The following EPS15 variants were observed in gnomAD, a reference collection of about 807,000 sequenced individuals.
EPS15 encodes epidermal growth factor receptor substrate 15.
A neutral mutation model predicts 113.8 loss-of-function variants in EPS15; 72 were observed. The ratio of observed to expected loss-of-function variants is 0.63; its 90% CI spans 0.52 to 0.77. EPS15 has a LOEUF of 0.77. Ranked by LOEUF, EPS15 falls within the 30% of genes least tolerant of loss-of-function variation. The probability of loss-of-function intolerance (pLI) is 0.00; values close to 1 mark genes in which losing one functional copy is unlikely to be tolerated. For synonymous variants in EPS15, 344 were observed against 363.4 expected (o/e 0.95, Z 0.61); for missense variants, 1,048 against 1,045.8 (o/e 1.00, Z -0.03).
In EPS15 at chr1:51,463,704, T is replaced by A. The variant is rs767888738; in HGVS notation, c.470A>T (p.Asn157Ile). 1 of 1,599,838 alleles carries A rather than the reference T, an allele frequency of 6.3e-7. No individual in the cohort carries two copies. The highest frequency in any genetic ancestry group is 8.6e-7 in the Non-Finnish European group (1 of 1,168,232). ...AAGGATATCCACAGGTAACTTAGAG[T>A]TGAGCAACACTGGTTTCACTTTATC... The part of the protein sequence containing the change: ...SGDKVKPVLL[N>I]SKLPVDILGR... Residue 157 changes from asparagine (N) to isoleucine (I), a missense_variant, in exon 7 of 25, where the codon AAC (asparagine) becomes ATC (isoleucine). Asn to Ile is a moderately radical substitution (Grantham distance 149). Coordinates refer to ENST00000371733, the MANE Select transcript of EPS15 (RefSeq NM_001981.3).
rs1450014632 is a variant in EPS15 at position 51,493,668 on chromosome 1, G to T, written c.34-12354C>A. 3.3e-5 allele frequency among the ~76,000 whole-genome samples: 5 copies of T among 151,374 alleles called. No homozygotes were observed. The South Asian group carries it at 1.0e-3, about 32-fold the overall frequency. ...GAGTCTCCCTCTGTCGCCCAGGCTG[G>T]AGTGCAATGGCACGATCTCGGCTCA... On this transcript the variant is annotated intron_variant, in intron 1 of 24. Coordinates refer to ENST00000371733, the MANE Select transcript of EPS15 (RefSeq NM_001981.3).
rs548291507 is a variant in EPS15, at chr1:51,458,799, AT to A, written c.561+2291del. 259 of 205,670 alleles carry A rather than the reference AT, an allele frequency of 1.3e-3. 2 individuals carry two copies. The highest frequency in any genetic ancestry group is 1.4e-3 in the Non-Finnish European group (133 of 97,454). 12.7% of individuals were successfully genotyped at this position (205,670 alleles called of 1,614,324 possible). ...CCTCATTACATCGTACCATGCAAAG[AT>A]TTTGCACCAATATTCTTACCACAAA... On this transcript the variant is annotated intron_variant, in intron 8 of 24. Coordinates refer to ENST00000371733, the MANE Select transcript of EPS15 (RefSeq NM_001981.3).
intron 7 of EPS15, among the ~76,000 whole-genome samples, chr1:51,462,533 C>A (rs1654540176): frequency 6.6e-6 from 1 of 152,054 alleles, no homozygotes; most frequent in Non-Finnish European, 1.5e-5. Flanking sequence ...TGACAGCAAT[C>A]TTACTACACC....
chr1:51,366,075 T>C (rs1289975370), intron 21 of EPS15, 46 bp from the exon 22 acceptor site: 1 of 1,420,728 alleles, frequency 7.0e-7, no homozygotes, highest in Admixed American at 1.9e-5. Context: ...GTAAGACATT[T>C]TTTTTTTTTG....
At chr1:51,390,836 G>A (rs547778154) in intron 21 of EPS15, among the ~76,000 whole-genome samples, 3 of 152,300 alleles carry the variant, frequency 2.0e-5, no homozygotes, top group Non-Finnish European at 2.9e-5. Context: ...AGAGGATATG[G>A]AGAAACAGGA....
intron 8 of EPS15, among the ~76,000 whole-genome samples, chr1:51,452,242 T>A (rs753712065): frequency 6.6e-6 from 1 of 151,934 alleles, no homozygotes; most frequent in Non-Finnish European, 1.5e-5. Context: ...TTAAGTTTTG[T>A]GGGGCTTTCA....
At chr1:51,503,624 A>C (rs1426047637) in intron 1 of EPS15, among the ~76,000 whole-genome samples, 1 of 152,232 alleles carries the variant, frequency 6.6e-6, no homozygotes, top group African/African-American at 2.4e-5. Context: ...CCTGAGCAAC[A>C]GAAGTGAACA....
intron 12 of EPS15, among the ~76,000 whole-genome samples, chr1:51,435,103 T>TA (rs1045370241): frequency 4.2e-4 from 62 of 148,894 alleles, no homozygotes; most frequent in Admixed American, 1.0e-3. Context: ...GCAGAATATT[T>TA]AAAAAAAAAA....
intron 1 of EPS15, among the ~76,000 whole-genome samples, chr1:51,505,336 A>G (rs929394326): frequency 1.2e-4 from 18 of 152,274 alleles, no homozygotes; most frequent in African/African-American, 4.1e-4. Context: ...ATACGATGGA[A>G]TATTTTTCAA....
chr1:51,513,817 A>G (rs1239537385), intron 1 of EPS15, among the ~76,000 whole-genome samples: 1 of 152,218 alleles, frequency 6.6e-6, no homozygotes, highest in Non-Finnish European at 1.5e-5. Context: ...TAATATAATT[A>G]TTATCATTCC....
chr1:51,396,686 G>C (rs1031597529), intron 20 of EPS15, among the ~76,000 whole-genome samples: 3 of 152,096 alleles, frequency 2.0e-5, no homozygotes, highest in Admixed American at 1.3e-4. Context: ...AAGGCCATCA[G>C]GATAGCAGGG....
intron 13 of EPS15, among the ~76,000 whole-genome samples, chr1:51,417,461 A>G (rs1416182290): frequency 6.6e-6 from 1 of 152,202 alleles, no homozygotes; most frequent in Non-Finnish European, 1.5e-5. Flanking sequence ...CTAACAATAT[A>G]TTGCCAAATA....
intron 1 of EPS15, among the ~76,000 whole-genome samples, chr1:51,513,413 T>A (rs1644661556): frequency 6.6e-6 from 1 of 152,126 alleles, no homozygotes; most frequent in South Asian, 2.1e-4. Flanking sequence ...TCAGTTAAGC[T>A]AAAAATAATA....
At position 51,405,489 on chromosome 1, in the gene EPS15, G is replaced by A. The variant is rs374102310; in HGVS notation, c.1677+416C>T. ...AGGCAGATGGGTCACTTGAGGTCAG[G>A]AGTTCGAAACCAGCCTGGCCAACAT... On this transcript the variant is annotated intron_variant, in intron 16 of 24. Transcript: ENST00000371733. Among the ~76,000 whole-genome samples the A allele has an allele frequency of 3.0e-4, 45 of 152,250 alleles. 1 individual carries two copies. Among genetic ancestry groups the A allele is most frequent in the African/African-American group, 1.0e-3 (43 of 41,556 alleles).
At chr1:51,454,049 C>CAAAAAAAAAAA (rs376428827) in intron 8 of EPS15, among the ~76,000 whole-genome samples, 1 of 88,214 alleles carries the variant, frequency 1.1e-5, no homozygotes, top group Admixed American at 1.5e-4. Flanking sequence ...GACTTTGTTT[C>CAAAAAAAAAAA]AAAAAAAAAA....
At chr1:51,412,576 T>A (rs1223539125) in intron 13 of EPS15, among the ~76,000 whole-genome samples, 1 of 152,230 alleles carries the variant, frequency 6.6e-6, no homozygotes, top group East Asian at 1.9e-4. Context: ...ACTTTATCAT[T>A]AATTTACCAG....
Position 51,519,244 on chromosome 1 carries a change from A to C in EPS15, c.-13T>G, listed in dbSNP as rs1288246237. ...CCGCCGCAGCCATGGTGTTTCCATC[A>C]TGCAAGGGAGGGGAAGGAAGACGGG... On this transcript the variant is annotated 5_prime_UTR_variant, in exon 1 of 25. An upstream start codon of the reference 5' UTR is lost. Transcript: ENST00000371733. The C allele has an allele frequency of 3.4e-6, 4 of 1,161,988 alleles. No individual in the cohort carries two copies. Among genetic ancestry groups the C allele is most frequent in the Admixed American group, 3.2e-5 (1 of 30,996 alleles). The allele number at this position is 1,161,988 out of a possible 1,614,324, so 72.0% of individuals were successfully genotyped here.
chr1:51,390,619 GA>G (rs1186400143), intron 21 of EPS15, among the ~76,000 whole-genome samples: 4 of 143,530 alleles, frequency 2.8e-5, no homozygotes, highest in East Asian at 2.1e-4. Context: ...AAATTTACAA[GA>G]AAAAAAAAAC....
Position 51,511,254 on chromosome 1 carries a change from G to A in EPS15, c.33+7945C>T, listed in dbSNP as rs575988353. Among the ~76,000 whole-genome samples the A allele has an allele frequency of 7.3e-4, 111 of 152,196 alleles. 1 individual carries two copies. In the South Asian group the frequency reaches 0.013, roughly 18 times the overall value. ...TCACACTATAATCTCAATACTTTGG[G>A]AGGCCAAGGCAGGAGGATCACTTGA... On this transcript the variant is annotated intron_variant, in intron 1 of 24. Transcript: ENST00000371733.
Sources: allele counts gnomAD v4.1 joint callset (sites outside exome capture counted in the v4.1 genomes callset), GRCh38; gene constraint gnomAD v4.1.1; transcripts MANE v1.5; gene names NCBI Gene and HGNC (gene_info 2026-07-23, HGNC 2026-07-21).